The following BRCA1 variants were observed in gnomAD, a reference collection of about 807,000 sequenced individuals.
The protein encoded by BRCA1 is breast cancer type 1 susceptibility protein.
Under a neutral mutation model 173.7 loss-of-function variants are expected in BRCA1, and 140 were observed. The ratio of observed to expected loss-of-function variants is 0.81; its 90% confidence interval spans 0.70 to 0.93. BRCA1 has a LOEUF of 0.93. BRCA1 is among the 40% of genes least tolerant of loss of function. The pLI is 0.00. For synonymous variants in BRCA1, 662 were observed against 756.0 expected (o/e 0.88, Z 2.04); for missense variants, 1,983 against 2,172.5 (o/e 0.91, Z 1.73).
intron 1 of BRCA1, among the ~76,000 whole-genome samples, chr17:43,154,291 C>G (rs2056182140): frequency 6.6e-6 from 1 of 152,284 alleles, no homozygotes; most frequent in African/African-American, 2.4e-5. Flanking sequence ...CGAGACCAGC[C>G]TGGCCAACAT....
chr17:43,137,090 A>T (rs1202749802), intron 1 of BRCA1, among the ~76,000 whole-genome samples: 2 of 152,128 alleles, frequency 1.3e-5, no homozygotes, highest in Non-Finnish European at 2.9e-5. Flanking sequence ...ACCATAATAT[A>T]CTATGCAGTC....
chr17:43,097,160 T>A (rs2054172032), intron 8 of BRCA1, 84 bp downstream of exon 8: 2 of 1,371,276 alleles, frequency 1.5e-6, no homozygotes, highest in Non-Finnish European at 2.0e-6. Flanking sequence ...TTAAAATATT[T>A]TTAAAAAGAG....
chr17:43,111,413 G>A lies in BRCA1; in HGVS notation c.134+4313C>T, dbSNP rs8176118. ...CACATGCCTGTAGTCCCAGCTACTCGGGAGGCTGAGGCAGGAGATTTGCTT... is the reference window on the plus strand; with the variant it reads ...CACATGCCTGTAGTCCCAGCTACTCAGGAGGCTGAGGCAGGAGATTTGCTT... On this transcript the variant is annotated intron_variant, in intron 3 of 22. Coordinates refer to ENST00000357654, the MANE Select transcript of BRCA1 (RefSeq NM_007294.4). 0.011 allele frequency among the ~76,000 whole-genome samples: 1,737 copies of A among 152,098 alleles called. 18 individuals carry two copies. The highest frequency in any genetic ancestry group is 0.019 in the Non-Finnish European group (1,265 of 68,004).
Position 43,093,140 on chromosome 17 carries a change from T to G in BRCA1, c.2391A>C (p.Glu797Asp). 6.2e-7 allele frequency: 1 copy of G among 1,613,640 alleles called. No individual in the cohort carries two copies. Among genetic ancestry groups the G allele is most frequent in the South Asian group, 1.1e-5 (1 of 91,054 alleles). ...CACACTGACTCACACATTTATTTGG[T>G]TCTGTTTTTGCCTTCCCTAGAGTGC... is the stretch of plus-strand genomic sequence containing the variant. ...EVSTLGKAKT[E>D]PNKCVSQCAA... The change falls in exon 10 of 23, where the codon GAA becomes GAC. Residue 797 changes from glutamate (E) to aspartate (D), a missense_variant. Coordinates refer to ENST00000357654, the MANE Select transcript of BRCA1 (RefSeq NM_007294.4).
chr17:43,062,729 C>G (rs1450835281), intron 18 of BRCA1, among the ~76,000 whole-genome samples: 3 of 151,984 alleles, frequency 2.0e-5, no homozygotes, highest in Non-Finnish European at 4.4e-5. Context: ...TCCTGAGTAG[C>G]TGGAACTAAA....
intron 14 of BRCA1, among the ~76,000 whole-genome samples, chr17:43,072,398 G>C (rs1312092350): frequency 1.3e-5 from 2 of 151,596 alleles, no homozygotes; most frequent in African/African-American, 4.9e-5. Context: ...TCAAAAAAGA[G>C]TACGGGTAAT....
chr17:43,067,716 C>T (rs1423988232), intron 15 of BRCA1, 21 bp from the exon 16 acceptor site: 1 of 1,584,504 alleles, frequency 6.3e-7, no homozygotes, highest in Non-Finnish European at 8.7e-7. Flanking sequence ...ATCAAATATT[C>T]CATTATCATG....
rs80357241 is a variant in BRCA1 at position 43,047,694 on chromosome 17, G to C, written c.5416C>G (p.Pro1806Ala). 9.3e-6 allele frequency: 15 copies of C among 1,613,996 alleles called. No homozygotes were observed. Among genetic ancestry groups the C allele is most frequent in the Admixed American group, 8.3e-5 (5 of 59,994 alleles). ...GCATCTGGCTGCACAACCACAATTG[G>C]GTGGACACCCTGGATCCCCAGGAAG... Reference protein sequence around the residue: ...SSFTLGTGVHPIVVVQPDAWT... With the variant: ...SSFTLGTGVHAIVVVQPDAWT... Residue 1806 changes from proline to alanine, a missense_variant, in exon 22 of 23, where the codon CCA (proline) becomes GCA (alanine). By Grantham distance (27) the Pro-to-Ala change is conservative. Transcript: ENST00000357654.
rs1174774563 is a variant in BRCA1 at position 43,071,156 on chromosome 17, C to A, written c.4758G>T (p.Glu1586Asp). 4 of 1,614,096 alleles carry A rather than the reference C, an allele frequency of 2.5e-6. No homozygotes were observed. Among genetic ancestry groups the A allele is most frequent in the Non-Finnish European group, 3.4e-6 (4 of 1,180,044 alleles). The change falls in exon 15 of 23, where the codon GAG (glutamate) becomes GAT (aspartate). Residue 1586 changes from glutamate (E) to aspartate (D), a missense_variant. Transcript: ENST00000357654. ...ATGGTATGTTGCCAACACGAGCTGACTCTGGGGCTCTGTCTTCAGAAGGAT... is the reference window on the plus strand; with the variant it reads ...ATGGTATGTTGCCAACACGAGCTGAATCTGGGGCTCTGTCTTCAGAAGGAT... ...ESDPSEDRAPESARVGNIPSS... is the reference protein window; with the variant it reads ...ESDPSEDRAPDSARVGNIPSS...
intron 3 of BRCA1, among the ~76,000 whole-genome samples, chr17:43,110,959 T>C (rs1046248709): frequency 1.3e-5 from 2 of 151,076 alleles, no homozygotes; most frequent in Non-Finnish European, 3.0e-5. Context: ...AAATTAGCCA[T>C]GCATGGTGGT....
In BRCA1 at chr17:43,092,173, C is replaced by G. The variant is rs748894760; in HGVS notation, c.3358G>C (p.Val1120Leu). 6.2e-7 allele frequency: 1 copy of G among 1,613,350 alleles called. No homozygotes were observed. Among genetic ancestry groups the G allele is most frequent in the South Asian group, 1.1e-5 (1 of 91,074 alleles). Reference sequence around the variant, plus strand: ...AGATATGGAGAGAAATCTGTATTAACAGTCTGAACTACTTCTTCATATTCT... The same window carrying G: ...AGATATGGAGAGAAATCTGTATTAAGAGTCTGAACTACTTCTTCATATTCT... The part of the protein sequence containing the change: ...KQEYEEVVQT[V>L]NTDFSPYLIS... Residue 1120 changes from valine to leucine, a missense_variant, in exon 10 of 23, where the codon GTT becomes CTT. Physicochemically the swap from Val to Leu is conservative, Grantham distance 32. Coordinates refer to ENST00000357654, the MANE Select transcript of BRCA1 (RefSeq NM_007294.4).
Position 43,094,495 on chromosome 17 carries a change from G to C in BRCA1, c.1036C>G (p.Pro346Ala), listed in dbSNP as rs80357015. ...TEKKVDLNAD[P>A]LCERKEWNKQ... ...TTCCATTCTTTTCTCTCACACAGGG[G>C]ATCAGCATTCAGATCTACCTTTTTT... The change falls in exon 10 of 23, where the codon CCC (proline) becomes GCC (alanine). Residue 346 changes from proline to alanine, a missense_variant. Coordinates refer to ENST00000357654, the MANE Select transcript of BRCA1 (RefSeq NM_007294.4). 2 of 1,613,798 alleles carry C rather than the reference G, an allele frequency of 1.2e-6. No individual in the cohort carries two copies. The highest frequency in any genetic ancestry group is 1.7e-6 in the Non-Finnish European group (2 of 1,180,040).
chr17:43,107,489 T>C (rs2054850553), intron 3 of BRCA1, among the ~76,000 whole-genome samples: 1 of 151,268 alleles, frequency 6.6e-6, no homozygotes, highest in Non-Finnish European at 1.5e-5. Context: ...CAAGCAATTC[T>C]CGTGCCTCAG....
intron 6 of BRCA1, 149 bp downstream of exon 6, chr17:43,103,973 G>A: frequency 2.1e-6 from 2 of 974,096 alleles, no homozygotes; most frequent in Admixed American, 4.7e-5. Context: ...CTGGCATGGT[G>A]GCGCGTGCCT....
intron 9 of BRCA1, among the ~76,000 whole-genome samples, chr17:43,095,426 CA>C (rs1458375140): frequency 7.9e-5 from 12 of 151,850 alleles, no homozygotes; most frequent in African/African-American, 1.9e-4. Flanking sequence ...TATAAAACCA[CA>C]AAAAATTAAC....
At chr17:43,139,605 C>T (rs1215262442) in intron 1 of BRCA1, among the ~76,000 whole-genome samples, 4 of 152,096 alleles carry the variant, frequency 2.6e-5, no homozygotes, top group African/African-American at 4.8e-5. Context: ...CCACCCACCT[C>T]GGCCTCCCAA....
At chr17:43,101,157 C>G (rs530780378) in intron 6 of BRCA1, among the ~76,000 whole-genome samples, 4 of 151,478 alleles carry the variant, frequency 2.6e-5, no homozygotes, top group African/African-American at 7.3e-5. Flanking sequence ...AGCTCTATAT[C>G]TTTTGAAAAA....
rs574256555 is a variant in BRCA1 at position 43,118,827 on chromosome 17, G to C, written c.81-3048C>G. Among the ~76,000 whole-genome samples the C allele has an allele frequency of 2.0e-5, 3 of 150,482 alleles. No individual in the cohort carries two copies. In the South Asian group the frequency reaches 6.3e-4, roughly 32 times the overall value. On this transcript the variant is annotated intron_variant, in intron 2 of 22. Transcript: ENST00000357654. Reference sequence around the variant, plus strand: ...TGCTCAGGCTGGAGTGCAGTGGTGTGGTCTTGGCTCACTGCAACCTCTGCC... The same window carrying C: ...TGCTCAGGCTGGAGTGCAGTGGTGTCGTCTTGGCTCACTGCAACCTCTGCC...
Position 43,057,235 on chromosome 17 carries a change from C to A in BRCA1, c.5194-100G>T, listed in dbSNP as rs1467839763. 9 of 1,129,114 alleles carry A rather than the reference C, an allele frequency of 8.0e-6. No homozygotes were observed. In the South Asian group the frequency reaches 8.7e-5, roughly 11 times the overall value. 69.9% of individuals were successfully genotyped at this position (1,129,114 alleles called of 1,614,324 possible). The stretch of plus-strand genomic sequence containing the variant: ...TCATATTTAAGGCATTCAGGCCAGG[C>A]GCAGTGGCTCACCCCTGTAATCCTA... On this transcript the variant is annotated intron_variant, in intron 18 of 22. Transcript: ENST00000357654.
Sources: allele counts gnomAD v4.1 joint callset (sites outside exome capture counted in the v4.1 genomes callset), GRCh38; gene constraint gnomAD v4.1.1; transcripts MANE v1.5; gene names NCBI Gene and HGNC (gene_info 2026-07-23, HGNC 2026-07-21).